Variants in SPATA17 observed in about 807,000 individuals in gnomAD.
SPATA17 encodes spermatogenesis associated 17.
In SPATA17, 53 loss-of-function variants were observed where a neutral mutation model predicts 62.2. The ratio of observed to expected loss-of-function variants is 0.85; its 90% CI spans 0.68 to 1.07. The LOEUF (loss-of-function observed/expected upper bound fraction) is 1.07, where lower values mean the gene tolerates loss of function less well. Among genes scored for constraint, SPATA17 ranks in the 50% least tolerant of loss-of-function variants. The probability of loss-of-function intolerance (pLI) is 0.00; values close to 1 mark genes in which losing one functional copy is unlikely to be tolerated. For missense variants in SPATA17, 466 were observed against 425.5 expected, an observed-to-expected ratio of 1.10 and a Z score of -0.84; for synonymous variants, 146 against 146.8, an observed-to-expected ratio of 0.99 and a Z score of 0.04.
At chr1:217,675,243 A>AT (rs1322272213) in intron 4 of SPATA17, among the ~76,000 whole-genome samples, 3 of 152,010 alleles carry the variant, frequency 2.0e-5, no homozygotes, top group Non-Finnish European at 4.4e-5. Flanking sequence ...AATTATACTT[A>AT]TTTTTTCCTA....
Position 217,702,950 on chromosome 1 carries a change from C to T in SPATA17, c.395+19589C>T, listed in dbSNP as rs75252404. Among the ~76,000 whole-genome samples, 337 of 151,458 alleles carry T rather than the reference C, an allele frequency of 2.2e-3. 8 individuals carry two copies. The East Asian group carries it at 0.059, about 27-fold the overall frequency. On this transcript the variant is annotated intron_variant, in intron 5 of 10. Transcript: ENST00000366933. ...AGGCTGGAGTGGCGACATCTCGGCT[C>T]ACTACAACTTCCATCTCCCGTGTTC...
intron 5 of SPATA17, among the ~76,000 whole-genome samples, chr1:217,690,812 C>T (rs1397614291): frequency 5.8e-4 from 79 of 137,304 alleles, no homozygotes; most frequent in African/African-American, 1.9e-3. Context: ...CTACAAAGGA[C>T]ATGAACTCAT....
chr1:217,802,487 T>C (rs1408216056), intron 9 of SPATA17, among the ~76,000 whole-genome samples: 1 of 152,124 alleles, frequency 6.6e-6, no homozygotes, highest in African/African-American at 2.4e-5. Context: ...AGTCTGAGAT[T>C]CCTGCCAACA....
At chr1:217,857,545 G>T (rs563312068) in intron 9 of SPATA17, among the ~76,000 whole-genome samples, 1 of 152,180 alleles carries the variant, frequency 6.6e-6, no homozygotes, top group Non-Finnish European at 1.5e-5. Context: ...TTTCAGAAAA[G>T]CAGTTCCCCA....
In SPATA17 at chr1:217,742,113, C is replaced by G. The variant is rs773155077; in HGVS notation, c.519+15C>G. 1.9e-6 allele frequency: 3 copies of G among 1,613,528 alleles called. No homozygotes were observed. Among genetic ancestry groups the G allele is most frequent in the South Asian group, 2.2e-5 (2 of 91,012 alleles). ...GCACAAAGCAGGTTGGTTTACCTGT[C>G]CCTGACAGCTCCTGTAAGCCACTTG... On this transcript the variant is annotated intron_variant, in intron 6 of 10. Coordinates refer to ENST00000366933, the MANE Select transcript of SPATA17 (RefSeq NM_138796.4).
chr1:217,855,335 G>C (rs149444799), intron 9 of SPATA17, among the ~76,000 whole-genome samples: 19 of 152,156 alleles, frequency 1.2e-4, no homozygotes, highest in Admixed American at 8.5e-4. Flanking sequence ...GGTATCACTA[G>C]CTCTATGATA....
intron 6 of SPATA17, among the ~76,000 whole-genome samples, chr1:217,762,181 C>G (rs1312740591): frequency 6.6e-6 from 1 of 152,154 alleles, no homozygotes; most frequent in Non-Finnish European, 1.5e-5. Context: ...AGTCTACACT[C>G]TCCCTCAGTA....
At chr1:217,752,735 G>C (rs1205816120) in intron 6 of SPATA17, among the ~76,000 whole-genome samples, 2 of 152,070 alleles carry the variant, frequency 1.3e-5, no homozygotes, top group African/African-American at 2.4e-5. Flanking sequence ...TCACAGGCTA[G>C]CTTTCGGCTG....
At chr1:217,727,247 C>CAAAAAAAAT (rs370247140) in intron 5 of SPATA17, among the ~76,000 whole-genome samples, 1 of 132,776 alleles carries the variant, frequency 7.5e-6, no homozygotes, top group African/African-American at 3.2e-5. Context: ...AACTCCGTCT[C>CAAAAAAAAT]AATAATAATA....
intron 5 of SPATA17, among the ~76,000 whole-genome samples, chr1:217,730,288 G>A (rs1672374638): frequency 6.6e-6 from 1 of 151,540 alleles, no homozygotes; most frequent in Non-Finnish European, 1.5e-5. Context: ...CGTGATCTCG[G>A]CTCACTGCAA....
chr1:217,806,500 C>A (rs1195481626), intron 9 of SPATA17, among the ~76,000 whole-genome samples: 1 of 152,168 alleles, frequency 6.6e-6, no homozygotes, highest in Non-Finnish European at 1.5e-5. Flanking sequence ...GTGGTCCAGT[C>A]CCTGTAGAAC....
At chr1:217,815,258 G>A (rs1674684219) in intron 9 of SPATA17, among the ~76,000 whole-genome samples, 1 of 152,112 alleles carries the variant, frequency 6.6e-6, no homozygotes, top group South Asian at 2.1e-4. Flanking sequence ...CTTAGAAAGA[G>A]GCCAACTTTG....
chr1:217,820,473 C>G (rs909788220), intron 9 of SPATA17, among the ~76,000 whole-genome samples: 7 of 151,670 alleles, frequency 4.6e-5, no homozygotes, highest in Non-Finnish European at 8.8e-5. Flanking sequence ...AATGTTAAAA[C>G]TTGAAAATGG....
chr1:217,750,428 T>C (rs1672878485), intron 6 of SPATA17, among the ~76,000 whole-genome samples: 1 of 152,172 alleles, frequency 6.6e-6, no homozygotes, highest in Non-Finnish European at 1.5e-5. Context: ...AGTAGGTATT[T>C]ATGGCACTAA....
intron 9 of SPATA17, among the ~76,000 whole-genome samples, chr1:217,840,911 T>G (rs1479074477): frequency 6.6e-6 from 1 of 152,000 alleles, no homozygotes; most frequent in Non-Finnish European, 1.5e-5. Flanking sequence ...TTAGCTCTGC[T>G]TTAGAAATTG....
chr1:217,722,323 G>T (rs555764708), intron 5 of SPATA17, among the ~76,000 whole-genome samples: 1 of 151,974 alleles, frequency 6.6e-6, no homozygotes, highest in Non-Finnish European at 1.5e-5. Context: ...TTTAACATTA[G>T]CCATCCTGCA....
At chr1:217,799,030 A>C (rs143860487) in intron 8 of SPATA17, among the ~76,000 whole-genome samples, 10 of 152,142 alleles carry the variant, frequency 6.6e-5, no homozygotes, top group Non-Finnish European at 1.3e-4. Context: ...AAATTTTACT[A>C]TAAATCAAAG....
intron 5 of SPATA17, among the ~76,000 whole-genome samples, chr1:217,712,134 T>G (rs1314086381): frequency 7.0e-6 from 1 of 142,442 alleles, no homozygotes; most frequent in Non-Finnish European, 1.5e-5. Context: ...TGTTCTTTTG[T>G]TTTTTTTTTT....
At chr1:217,685,717 A>G (rs1671201202) in intron 5 of SPATA17, among the ~76,000 whole-genome samples, 1 of 152,108 alleles carries the variant, frequency 6.6e-6, no homozygotes, top group African/African-American at 2.4e-5. Flanking sequence ...TTGAATTTTC[A>G]CTAAATTATA....
Sources: gnomAD v4.1 joint callset for allele counts (sites outside exome capture counted in the v4.1 genomes callset) on GRCh38, gnomAD v4.1.1 for gene constraint, MANE v1.5 for transcripts, NCBI Gene and HGNC (gene_info 2026-07-23, HGNC 2026-07-21) for gene names.